Variants in NALCN observed in about 807,000 individuals in gnomAD.
NALCN encodes the protein sodium leak channel, non-selective.
NALCN carries 111 observed loss-of-function variants against 225.3 expected under a neutral mutation model. The observed-to-expected ratio is 0.49, with a 90% CI of 0.42 to 0.58. NALCN has a LOEUF of 0.58. Ranked by LOEUF, NALCN falls within the 20% of genes least tolerant of loss-of-function variation. The probability of loss-of-function intolerance (pLI) is 0.00; values close to 1 mark genes in which losing one functional copy is unlikely to be tolerated. For synonymous variants in NALCN, 764 were observed against 769.0 expected (o/e 0.99, Z 0.11); for missense variants, 1,378 against 2,202.4 (o/e 0.63, Z 7.49).
chr13:101,125,877 T>C (rs936453389), intron 17 of NALCN, among the ~76,000 whole-genome samples: 1 of 152,206 alleles, frequency 6.6e-6, no homozygotes, highest in Non-Finnish European at 1.5e-5. Context: ...AGTGCTGTGC[T>C]AGCCAGATCT....
At chr13:101,322,447 A>C (rs2044777291) in intron 7 of NALCN, among the ~76,000 whole-genome samples, 1 of 152,246 alleles carries the variant, frequency 6.6e-6, no homozygotes, top group Non-Finnish European at 1.5e-5. Flanking sequence ...TTTTATATTA[A>C]TTCCAAAAGA....
chr13:101,301,070 G>A (rs1272266614), intron 7 of NALCN, among the ~76,000 whole-genome samples: 3 of 152,162 alleles, frequency 2.0e-5, no homozygotes, highest in Non-Finnish European at 2.9e-5. Context: ...TTCCTTAAAT[G>A]TAGAAAATTT....
At chr13:101,121,968 TA>T (rs1176589661) in intron 18 of NALCN, among the ~76,000 whole-genome samples, 382 of 147,414 alleles carry the variant, frequency 2.6e-3, no homozygotes, top group African/African-American at 7.9e-3. Flanking sequence ...TTTTTTTTTT[TA>T]AAAAAAATTC....
intron 17 of NALCN, among the ~76,000 whole-genome samples, chr13:101,130,498 T>C (rs55917628): frequency 0.03 from 4,619 of 152,324 alleles, 187 homozygotes; most frequent in African/African-American, 0.096. Context: ...ATCTGAGGCA[T>C]GTTTTTTAGT....
Position 101,122,311 on chromosome 13 carries a change from T to C in NALCN, c.2192+2297A>G, listed in dbSNP as rs1487372836. 5.3e-5 allele frequency among the ~76,000 whole-genome samples: 8 copies of C among 152,338 alleles called. No individual in the cohort carries two copies. The East Asian group carries it at 9.6e-4, about 18-fold the overall frequency. On this transcript the variant is annotated intron_variant, in intron 18 of 43. Transcript: ENST00000251127. The stretch of plus-strand genomic sequence containing the variant: ...GTATTTTAAAAAATTCTAAGGTTTT[T>C]TATTTTTTCAAATTATGGCTTTTTA...
intron 6 of NALCN, among the ~76,000 whole-genome samples, chr13:101,359,676 T>A (rs1329621198): frequency 1.3e-5 from 2 of 152,216 alleles, no homozygotes; most frequent in Non-Finnish European, 2.9e-5. Context: ...CTTTCTTAGG[T>A]TTTCTTTGCA....
intron 3 of NALCN, among the ~76,000 whole-genome samples, chr13:101,389,166 T>A (rs113732571): frequency 3.9e-5 from 6 of 152,158 alleles, no homozygotes; most frequent in African/African-American, 1.4e-4. Flanking sequence ...TTTGGAATCA[T>A]CCTGAAATCT....
intron 6 of NALCN, among the ~76,000 whole-genome samples, chr13:101,348,652 CTATTA>C (rs2045817509): frequency 6.6e-6 from 1 of 151,052 alleles, no homozygotes; most frequent in Admixed American, 6.6e-5. Flanking sequence ...TTTTTTCTTC[CTATTA>C]TATTTGCTTT....
In NALCN at chr13:101,350,296, C is replaced by T. The variant is rs138882661; in HGVS notation, c.645-4876G>A. Among the ~76,000 whole-genome samples, 222 of 152,256 alleles carry T rather than the reference C, an allele frequency of 1.5e-3. 2 individuals are homozygous for T. The highest frequency in any genetic ancestry group is 4.8e-3 in the African/African-American group (200 of 41,564). On this transcript the variant is annotated intron_variant, in intron 6 of 43. Transcript: ENST00000251127. ...CCCCAAGTATCCCAGTGTCTGACCA[C>T]GTTGGCCTTCTCCCAGCTCCTGCCT... is the stretch of plus-strand genomic sequence containing the variant.
At position 101,100,679 on chromosome 13, in the gene NALCN, A is replaced by G. The variant is rs1465610361; in HGVS notation, c.3162+105T>C. ...CACTGCAACCTTGACCTCCAGTTTC[A>G]AGTAATCTTCCCTCCTTGGCATTCC... On this transcript the variant is annotated intron_variant, in intron 27 of 43. Coordinates refer to ENST00000251127, the MANE Select transcript of NALCN (RefSeq NM_052867.4). 4 of 745,170 alleles carry G rather than the reference A, an allele frequency of 5.4e-6. No individual in the cohort carries two copies. The Middle Eastern group carries it at 7.9e-4, about 147-fold the overall frequency. The allele number at this position is 745,170 out of a possible 1,614,324, so 46.2% of individuals were successfully genotyped here.
At chr13:101,360,193 TCTCTCTC>T (rs1566614921) in intron 6 of NALCN, among the ~76,000 whole-genome samples, 38 of 46,782 alleles carry the variant, frequency 8.1e-4, no homozygotes, top group African/African-American at 3.7e-3. Context: ...TCTCTTCCTC[TCTCTCTC>T]TCTCTCTCTC....
At chr13:101,213,580 A>T (rs147568636) in intron 13 of NALCN, among the ~76,000 whole-genome samples, 1 of 151,890 alleles carries the variant, frequency 6.6e-6, no homozygotes, top group Admixed American at 6.6e-5. Context: ...GAATCTACAA[A>T]GAACTTAAAT....
rs1042049733 is a variant in NALCN, at chr13:101,253,087, A to G, written c.1266+5356T>C. Among the ~76,000 whole-genome samples the G allele has an allele frequency of 7.9e-5, 12 of 152,250 alleles. 1 individual carries two copies. Among genetic ancestry groups the G allele is most frequent in the African/African-American group, 2.6e-4 (11 of 41,570 alleles). On this transcript the variant is annotated intron_variant, in intron 11 of 43. Transcript: ENST00000251127. ...ATATGATTTAATGTGCAATAATAAT[A>G]TATTCTCTTAGATCACAATGAAAAG...
At chr13:101,114,348 T>A (rs1420845279) in intron 18 of NALCN, among the ~76,000 whole-genome samples, 1 of 152,178 alleles carries the variant, frequency 6.6e-6, no homozygotes, top group Non-Finnish European at 1.5e-5. Context: ...TTTCTTTGAA[T>A]TTTAGTTGCT....
At chr13:101,145,297 A>T (rs61140243) in intron 15 of NALCN, among the ~76,000 whole-genome samples, 63 of 152,258 alleles carry the variant, frequency 4.1e-4, no homozygotes, top group Middle Eastern at 3.4e-3. Context: ...TGAAAAATTT[A>T]AAAAAAATTA....
chr13:101,081,801 A>C (rs1419322131), intron 33 of NALCN, among the ~76,000 whole-genome samples, 155 bp from the exon 34 acceptor site: 1 of 152,226 alleles, frequency 6.6e-6, no homozygotes, highest in Non-Finnish European at 1.5e-5. Context: ...ATTGAAAATG[A>C]GACAAACACT....
chr13:101,068,135 T>C, intron 38 of NALCN, 102 bp from the exon 39 acceptor site: 2 of 730,562 alleles, frequency 2.7e-6, no homozygotes, highest in Non-Finnish European at 4.4e-6. Context: ...CTATCACCTA[T>C]ATCATAAGCC....
chr13:101,341,819 T>C (rs1042104215), intron 7 of NALCN, among the ~76,000 whole-genome samples: 10 of 152,212 alleles, frequency 6.6e-5, no homozygotes, highest in African/African-American at 1.9e-4. Context: ...ATGGGGGTGA[T>C]GCTACCAGAA....
chr13:101,266,915 G>C (rs1385248357), intron 10 of NALCN, among the ~76,000 whole-genome samples: 1 of 152,138 alleles, frequency 6.6e-6, no homozygotes, highest in Non-Finnish European at 1.5e-5. Context: ...ATATGAAAAA[G>C]GTAACACTTA....
Sources: gnomAD v4.1 joint callset for allele counts (sites outside exome capture counted in the v4.1 genomes callset) on GRCh38, gnomAD v4.1.1 for gene constraint, MANE v1.5 for transcripts, NCBI Gene and HGNC (gene_info 2026-07-23, HGNC 2026-07-21) for gene names.